The following RABL3 variants were observed in gnomAD, a reference collection of about 807,000 sequenced individuals.
RABL3 encodes the protein rab-like protein 3.
A neutral mutation model predicts 31.8 loss-of-function variants in RABL3; 31 were observed. The observed-to-expected ratio is 0.97, with a 90% CI of 0.73 to 1.31. RABL3 has a LOEUF of 1.31. RABL3 is among the 40% of genes most tolerant of loss of function. RABL3 has a pLI of 0.00. For missense variants in RABL3, 263 were observed against 279.6 expected, an observed-to-expected ratio of 0.94 and a Z score of 0.42; for synonymous variants, 97 against 99.9, an observed-to-expected ratio of 0.97 and a Z score of 0.18.
intron 2 of RABL3, among the ~76,000 whole-genome samples, chr3:120,715,158 G>T (rs1038950526): frequency 6.6e-6 from 1 of 152,076 alleles, no homozygotes; most frequent in African/African-American, 2.4e-5. Flanking sequence ...TAGTGCCTAG[G>T]ATAATTTTAC....
At chr3:120,721,566 C>T (rs113329132) in intron 2 of RABL3, among the ~76,000 whole-genome samples, 1,734 of 151,854 alleles carry the variant, frequency 0.011, 34 homozygotes, top group African/African-American at 0.04. Flanking sequence ...CAACAAAGAT[C>T]AAAAGAGACA....
rs1270141430 is a variant in RABL3, at chr3:120,716,722, AG to A, written c.139-6814del. Among the ~76,000 whole-genome samples, 3 of 152,326 alleles carry A rather than the reference AG, an allele frequency of 2.0e-5. No homozygotes were observed. In the East Asian group the frequency reaches 5.8e-4, roughly 29 times the overall value. On this transcript the variant is annotated intron_variant, in intron 2 of 7. Coordinates refer to ENST00000273375, the MANE Select transcript of RABL3 (RefSeq NM_173825.5). ...ACTAATTCTGGAGATCCCTTCGCAC[AG>A]GTTTCACTAAAACAAAAACTATAAC...
At chr3:120,702,846 C>T (rs985325391) in intron 4 of RABL3, among the ~76,000 whole-genome samples, 3 of 151,764 alleles carry the variant, frequency 2.0e-5, no homozygotes, top group African/African-American at 7.2e-5. Context: ...CGTGAGCCAC[C>T]GCGCCGGGCC....
chr3:120,711,971 A>G (rs553589100), intron 2 of RABL3, among the ~76,000 whole-genome samples: 2 of 152,258 alleles, frequency 1.3e-5, no homozygotes, highest in African/African-American at 4.8e-5. Context: ...TTCTTTGCCT[A>G]TAAAATGAAA....
Position 120,698,479 on chromosome 3 carries a change from C to T in RABL3, c.478G>A (p.Val160Ile), listed in dbSNP as rs1708461904. The T allele has an allele frequency of 6.2e-7, 1 of 1,614,042 alleles. No individual in the cohort carries two copies. The highest frequency in any genetic ancestry group is 8.5e-7 in the Non-Finnish European group (1 of 1,179,938). Residue 160 changes from valine (V) to isoleucine (I), a missense_variant, in exon 5 of 8, where the codon GTT (valine) becomes ATT (isoleucine). By Grantham distance (29) the Val-to-Ile change is conservative. Transcript: ENST00000273375. ...DQIHETKRHE[V>I]LTRTAFLAED... ...GCCAGGAAAGCAGTCCTAGTTAAAA[C>T]TTCATGGCGCTTTGTTTCATGAATC... is the stretch of plus-strand genomic sequence containing the variant.
At chr3:120,698,709 T>A in intron 4 of RABL3, 136 bp from the exon 5 acceptor site, 1 of 697,742 alleles carries the variant, frequency 1.4e-6, no homozygotes, top group East Asian at 2.7e-5. Context: ...AAACCTACTT[T>A]CCTTCCAACT....
chr3:120,705,442 A>G (rs1270021514), intron 4 of RABL3, among the ~76,000 whole-genome samples: 2 of 152,232 alleles, frequency 1.3e-5, no homozygotes, highest in Non-Finnish European at 2.9e-5. Flanking sequence ...GAAGGGACAG[A>G]CACATAGATC....
intron 2 of RABL3, among the ~76,000 whole-genome samples, chr3:120,710,910 G>A (rs540116202): frequency 6.6e-6 from 1 of 152,080 alleles, no homozygotes; most frequent in South Asian, 2.1e-4. Context: ...ATTCTCTTTT[G>A]AACTCATTTC....
intron 2 of RABL3, among the ~76,000 whole-genome samples, chr3:120,711,878 G>C (rs1708616602): frequency 6.6e-6 from 1 of 152,060 alleles, no homozygotes; most frequent in Non-Finnish European, 1.5e-5. Context: ...TGCTTTCATA[G>C]AATGGGACTA....
rs534812941 is a variant in RABL3 at position 120,732,321 on chromosome 3, T to A, written c.47-1534A>T. Among the ~76,000 whole-genome samples the A allele has an allele frequency of 1.7e-3, 264 of 152,266 alleles. 3 individuals carry two copies. Among genetic ancestry groups the A allele is most frequent in the Non-Finnish European group, 3.2e-3 (219 of 68,010 alleles). Reference sequence around the variant, plus strand: ...TTATAAAGTATTTTCTGAACCCACATAGGGAGAACTAAGCATAGCATCCAC... The same window carrying A: ...TTATAAAGTATTTTCTGAACCCACAAAGGGAGAACTAAGCATAGCATCCAC... On this transcript the variant is annotated intron_variant, in intron 1 of 7. Transcript: ENST00000273375.
At chr3:120,740,971 TA>T (rs1709035788) in intron 1 of RABL3, among the ~76,000 whole-genome samples, 1 of 152,184 alleles carries the variant, frequency 6.6e-6, no homozygotes, top group Non-Finnish European at 1.5e-5. Context: ...TCCACAGTTA[TA>T]ACCCCAGAAC....
Position 120,689,673 on chromosome 3 carries a change from T to G in RABL3, c.*150A>C, listed in dbSNP as rs1708356327. ...AGTTTGGACCTCCCGTATTGTCACT[T>G]CCTTTCATTTTTCCATTAAAGGGTA... On this transcript the variant is annotated 3_prime_UTR_variant, in exon 8 of 8. Coordinates refer to ENST00000273375, the MANE Select transcript of RABL3 (RefSeq NM_173825.5). 1.6e-6 allele frequency: 1 copy of G among 608,842 alleles called. No individual in the cohort carries two copies. The highest frequency in any genetic ancestry group is 1.8e-5 in the African/African-American group (1 of 54,834). 37.7% of individuals were successfully genotyped at this position (608,842 alleles called of 1,614,324 possible).
chr3:120,738,786 C>T (rs1416110176), intron 1 of RABL3: 1 of 152,148 alleles, frequency 6.6e-6, no homozygotes, highest in Non-Finnish European at 1.5e-5. Flanking sequence ...TAAAAATTTA[C>T]TTAATCATTC....
At chr3:120,716,141 A>G (rs1010407716) in intron 2 of RABL3, among the ~76,000 whole-genome samples, 8 of 152,216 alleles carry the variant, frequency 5.3e-5, no homozygotes, top group Admixed American at 2.0e-4. Flanking sequence ...AGAGAGTTAA[A>G]TTACCATTAA....
At chr3:120,719,122 T>TG (rs1373209710) in intron 2 of RABL3, among the ~76,000 whole-genome samples, 2 of 152,320 alleles carry the variant, frequency 1.3e-5, no homozygotes, top group East Asian at 3.9e-4. Context: ...TAACACATAT[T>TG]TAGAACACTG....
At chr3:120,701,446 G>T (rs940826855) in intron 4 of RABL3, among the ~76,000 whole-genome samples, 1 of 152,006 alleles carries the variant, frequency 6.6e-6, no homozygotes, top group African/African-American at 2.4e-5. Flanking sequence ...AATGCAAATG[G>T]GTATAGAACT....
intron 1 of RABL3, among the ~76,000 whole-genome samples, chr3:120,742,106 C>G (rs1709050866): frequency 6.6e-6 from 1 of 151,332 alleles, no homozygotes; most frequent in African/African-American, 2.4e-5. Flanking sequence ...CACGGTCCTA[C>G]TAACTTCTGT....
At chr3:120,713,078 A>G (rs971672313) in intron 2 of RABL3, among the ~76,000 whole-genome samples, 1 of 152,080 alleles carries the variant, frequency 6.6e-6, no homozygotes, top group Non-Finnish European at 1.5e-5. Flanking sequence ...TGCCTCCTCT[A>G]AAGGACTATA....
chr3:120,717,461 T>C (rs1266060827), intron 2 of RABL3, among the ~76,000 whole-genome samples: 1 of 152,022 alleles, frequency 6.6e-6, no homozygotes, highest in African/African-American at 2.4e-5. Flanking sequence ...TATATGACAT[T>C]TGTCTTTTTG....
Sources: allele counts gnomAD v4.1 joint callset (sites outside exome capture counted in the v4.1 genomes callset), GRCh38; gene constraint gnomAD v4.1.1; transcripts MANE v1.5; gene names NCBI Gene and HGNC (gene_info 2026-07-23, HGNC 2026-07-21).